PAPPA2: variants seen among roughly 807,000 people sequenced by gnomAD.
PAPPA2 encodes pappalysin-2.
Under a neutral mutation model 176.4 loss-of-function variants are expected in PAPPA2, and 86 were observed. The observed-to-expected ratio is 0.49, with a 90% CI of 0.41 to 0.58. PAPPA2 has a LOEUF of 0.58. Among genes scored for constraint, PAPPA2 ranks in the 20% least tolerant of loss-of-function variants. The pLI is 0.00. For synonymous variants in PAPPA2, 809 were observed against 852.2 expected (o/e 0.95, Z 0.88); for missense variants, 2,073 against 2,256.9 (o/e 0.92, Z 1.65).
In PAPPA2 at chr1:176,710,015, G is replaced by T. The variant is rs369624348; in HGVS notation, c.3490G>T (p.Asp1164Tyr). The T allele has an allele frequency of 6.2e-7, 1 of 1,612,792 alleles. No homozygotes were observed. Among genetic ancestry groups the T allele is most frequent in the Admixed American group, 1.7e-5 (1 of 59,878 alleles). The change falls in exon 11 of 23, where the codon GAT (aspartate) becomes TAT (tyrosine). Residue 1164 changes from aspartate (D) to tyrosine (Y), a missense_variant. Physicochemically the swap from Asp to Tyr is radical, Grantham distance 160 (BLOSUM62 -3). Transcript: ENST00000367662. Reference sequence around the variant, plus strand: ...AAGCCTTTGCTACATGTATGAGGGAGATGGCATATGTGAACCTTTTGAGAG... The same window carrying T: ...AAGCCTTTGCTACATGTATGAGGGATATGGCATATGTGAACCTTTTGAGAG... ...EPSLCYMYEGDGICEPFERKT... is the reference protein window; with the variant it reads ...EPSLCYMYEGYGICEPFERKT...
Position 176,710,002 on chromosome 1 carries a change from C to A in PAPPA2, c.3477C>A (p.Tyr1159Ter). Residue 1159 changes from tyrosine to a stop codon, truncating the protein, a stop_gained, in exon 11 of 23, where the codon TAC becomes TAA. Transcript: ENST00000367662. LOFTEE classifies it high-confidence loss of function. Reference protein sequence around the residue: ...FNCVGEPSLCYMYEGDGICEP... With the variant: ...FNCVGEPSLC Reference sequence around the variant, plus strand: ...TGGCAGGAGAGCCAAGCCTTTGCTACATGTATGAGGGAGATGGCATATGTG... The same window carrying A: ...TGGCAGGAGAGCCAAGCCTTTGCTAAATGTATGAGGGAGATGGCATATGTG... 1 of 1,606,908 alleles carries A rather than the reference C, an allele frequency of 6.2e-7. No individual in the cohort carries two copies. The highest frequency in any genetic ancestry group is 8.5e-7 in the Non-Finnish European group (1 of 1,177,066).
chr1:176,786,915 G>C (rs887113983), intron 17 of PAPPA2, among the ~76,000 whole-genome samples: 1 of 152,144 alleles, frequency 6.6e-6, no homozygotes, highest in African/African-American at 2.4e-5. Flanking sequence ...CAGACAGTGG[G>C]GCCCACCTGA....
chr1:176,539,754 A>T (rs1650272570), intron 1 of PAPPA2, among the ~76,000 whole-genome samples: 1 of 152,128 alleles, frequency 6.6e-6, no homozygotes, highest in Admixed American at 6.5e-5. Context: ...TGGACACCTG[A>T]TCTTCTGCCC....
Position 176,653,746 on chromosome 1 carries a change from C to A in PAPPA2, c.1992-17224C>A, listed in dbSNP as rs140328023. 2.1e-3 allele frequency among the ~76,000 whole-genome samples: 319 copies of A among 151,860 alleles called. 3 individuals are homozygous for A. Among genetic ancestry groups the A allele is most frequent in the African/African-American group, 7.3e-3 (305 of 41,504 alleles). On this transcript the variant is annotated intron_variant, in intron 3 of 22. Coordinates refer to ENST00000367662, the MANE Select transcript of PAPPA2 (RefSeq NM_020318.3). ...TATACCCCACTCCGTCTCCTACTCA[C>A]TGCAATCTGATTCTGTCTCTATTGC...
intron 1 of PAPPA2, among the ~76,000 whole-genome samples, chr1:176,515,518 G>C (rs1342671828): frequency 6.6e-6 from 1 of 152,118 alleles, no homozygotes; most frequent in Non-Finnish European, 1.5e-5. Flanking sequence ...GCCTGTTCAC[G>C]GGCTTCCTGC....
chr1:176,617,273 C>T (rs1655317167), intron 3 of PAPPA2, among the ~76,000 whole-genome samples: 2 of 152,144 alleles, frequency 1.3e-5, no homozygotes, highest in African/African-American at 2.4e-5. Context: ...CCTAATCATA[C>T]AGCTGGTCCT....
intron 20 of PAPPA2, among the ~76,000 whole-genome samples, chr1:176,799,761 T>C (rs1325430851): frequency 2.6e-5 from 4 of 152,184 alleles, no homozygotes; most frequent in Non-Finnish European, 5.9e-5. Context: ...CATTATAATA[T>C]TGAGGATGCT....
In PAPPA2 at chr1:176,765,779, C is replaced by T; in HGVS notation, c.4265C>T (p.Thr1422Ile). 1.2e-6 allele frequency: 2 copies of T among 1,614,144 alleles called. No individual in the cohort carries two copies. Among genetic ancestry groups the T allele is most frequent in the African/African-American group, 1.3e-5 (1 of 75,046 alleles). Reference protein sequence around the residue: ...IGPGLMKCAITCQRGFALQAS... With the variant: ...IGPGLMKCAIICQRGFALQAS... ...CCAGGTCTCATGAAGTGTGCTATCA[C>T]TTGTCAAAGGGGATTTGCCCTTCAG... Residue 1422 changes from threonine (T) to isoleucine (I), a missense_variant, in exon 15 of 23, where the codon ACT becomes ATT. This residue lies in a region of PAPPA2 where 846 missense variants were observed against 857.9 expected (regional missense o/e 0.99). Transcript: ENST00000367662.
At chr1:176,729,049 T>C (rs1024299433) in intron 12 of PAPPA2, among the ~76,000 whole-genome samples, 1 of 152,018 alleles carries the variant, frequency 6.6e-6, no homozygotes, top group African/African-American at 2.4e-5. Context: ...ATTTAGGTTT[T>C]TTTCTCTTTA....
At chr1:176,808,118 A>T (rs1665986461) in intron 21 of PAPPA2, among the ~76,000 whole-genome samples, 5 of 151,750 alleles carry the variant, frequency 3.3e-5, no homozygotes, top group Admixed American at 3.3e-4. Flanking sequence ...AGTAGTTCAC[A>T]TTGGCAATGG....
intron 3 of PAPPA2, among the ~76,000 whole-genome samples, chr1:176,598,768 A>T (rs1654121205): frequency 1.3e-5 from 2 of 152,072 alleles, no homozygotes; most frequent in African/African-American, 4.8e-5. Flanking sequence ...TCTTCTAGTT[A>T]ATTCTATTCT....
intron 14 of PAPPA2, among the ~76,000 whole-genome samples, chr1:176,757,794 GTGGTAT>G: frequency 6.6e-6 from 1 of 152,046 alleles, no homozygotes; most frequent in Non-Finnish European, 1.5e-5. Context: ...TATGTCCTGA[GTGGTAT>G]TGCCTAGGTT....
intron 1 of PAPPA2, among the ~76,000 whole-genome samples, chr1:176,477,563 G>A (rs1340648039): frequency 6.6e-6 from 1 of 152,032 alleles, no homozygotes; most frequent in East Asian, 1.9e-4. Flanking sequence ...TGGCCAACAT[G>A]GTGAAACTCC....
intron 14 of PAPPA2, among the ~76,000 whole-genome samples, chr1:176,760,013 G>A (rs574980344): frequency 2.4e-4 from 36 of 152,220 alleles, no homozygotes; most frequent in African/African-American, 5.3e-4. Context: ...TTCAGTTCAC[G>A]GTGATAGGGG....
chr1:176,624,306 G>GA (rs1175271153), intron 3 of PAPPA2, among the ~76,000 whole-genome samples: 2 of 152,140 alleles, frequency 1.3e-5, no homozygotes, highest in Non-Finnish European at 2.9e-5. Context: ...CCTACCTGAG[G>GA]AAATAGTGTG....
chr1:176,818,033 G>C (rs1251898499), intron 21 of PAPPA2, among the ~76,000 whole-genome samples: 1 of 152,116 alleles, frequency 6.6e-6, no homozygotes, highest in African/African-American at 2.4e-5. Flanking sequence ...AATGACTAGA[G>C]AGGCGGAAGG....
intron 3 of PAPPA2, among the ~76,000 whole-genome samples, chr1:176,607,589 C>A (rs1476644861): frequency 1.3e-5 from 2 of 152,096 alleles, no homozygotes; most frequent in African/African-American, 4.8e-5. Flanking sequence ...TATACATGTT[C>A]TTTATCCAGT....
At chr1:176,545,043 A>G (rs1650556752) in intron 1 of PAPPA2, among the ~76,000 whole-genome samples, 1 of 152,164 alleles carries the variant, frequency 6.6e-6, no homozygotes, top group South Asian at 2.1e-4. Context: ...TTGGGTTTTT[A>G]TCTAGCCGTG....
At chr1:176,598,675 C>T (rs1395888313) in intron 3 of PAPPA2, among the ~76,000 whole-genome samples, 2 of 152,050 alleles carry the variant, frequency 1.3e-5, no homozygotes. Context: ...AAATGTTCCC[C>T]TCCTCTGAGC....
Sources: gnomAD v4.1 joint callset for allele counts (sites outside exome capture counted in the v4.1 genomes callset) on GRCh38, gnomAD v4.1.1 for gene constraint, gnomAD v4.1.1 regional missense constraint, MANE v1.5 for transcripts, NCBI Gene and HGNC (gene_info 2026-07-23, HGNC 2026-07-21) for gene names.